Variants in LRP5 observed in about 807,000 individuals in gnomAD.
LRP5 encodes LDL receptor related protein 5.
A neutral mutation model predicts 154.1 loss-of-function variants in LRP5; 62 were observed. The observed-to-expected ratio is 0.40, with a 90% CI of 0.33 to 0.50. The LOEUF is 0.50. LRP5 is among the 20% of genes least tolerant of loss of function. The pLI is 0.55. For synonymous variants in LRP5, 966 were observed against 1,011.5 expected (o/e 0.96, Z 0.85); for missense variants, 1,915 against 2,336.7 (o/e 0.82, Z 3.72).
intron 22 of LRP5, chr11:68,446,890 A>G: frequency 2.8e-6 from 1 of 361,034 alleles, no homozygotes; most frequent in East Asian, 6.9e-5. Context: ...AAACCTAGCC[A>G]TTGAGATGCC....
intron 3 of LRP5, among the ~76,000 whole-genome samples, chr11:68,358,411 C>T (rs2098625004): frequency 6.6e-6 from 1 of 152,226 alleles, no homozygotes; most frequent in Admixed American, 6.5e-5. Context: ...CCGCACCCGG[C>T]CCATGCACCA....
chr11:68,366,738 C>T (rs931455388), intron 5 of LRP5, among the ~76,000 whole-genome samples: 3 of 152,144 alleles, frequency 2.0e-5, no homozygotes, highest in Admixed American at 2.0e-4. Flanking sequence ...GTTGGAGAGC[C>T]TCCCCGACCA....
intron 9 of LRP5, among the ~76,000 whole-genome samples, chr11:68,407,025 T>C (rs2153164825): frequency 6.6e-6 from 1 of 152,100 alleles, no homozygotes; most frequent in East Asian, 1.9e-4. Context: ...TTTTGTGAAA[T>C]GCTTGTGTGA....
chr11:68,344,588 G>A (rs564183094), intron 1 of LRP5, among the ~76,000 whole-genome samples: 2 of 152,056 alleles, frequency 1.3e-5, no homozygotes, highest in Non-Finnish European at 2.9e-5. Flanking sequence ...CCAAAGTGCT[G>A]AGATGACAGG....
chr11:68,386,329 G>A lies in LRP5; in HGVS notation c.1029G>A (p.Val343=), dbSNP rs1277360472. 3.7e-6 allele frequency: 6 copies of A among 1,612,488 alleles called. No individual in the cohort carries two copies. Among genetic ancestry groups the A allele is most frequent in the Middle Eastern group, 1.6e-4 (1 of 6,062 alleles). Residue 343 remains valine, a synonymous_variant, in exon 6 of 23, where the codon GTG becomes GTA. Coordinates refer to ENST00000294304, the MANE Select transcript of LRP5 (RefSeq NM_002335.4). The surrounding 1 kb of genome is among the most constrained non-coding windows in gnomAD (Gnocchi z 7.9). ...GRTCKAGAEE[V]LLLARRTDLR... ...CTGTCTCCACAGGAGCCGAGGAGGT[G>A]CTGCTGCTGGCCCGGCGGACGGACC...
rs762794790 is a variant in LRP5 at position 68,403,531 on chromosome 11, C to A, written c.1633C>A (p.Leu545Ile). The change falls in exon 8 of 23, where the codon CTC becomes ATC. Residue 545 changes from leucine to isoleucine, a missense_variant. By Grantham distance (5) the Leu-to-Ile change is conservative. This residue lies in a region of LRP5 where 773 missense variants were observed against 1,100.9 expected (regional missense o/e 0.70). Transcript: ENST00000294304. ...TKRRTLLEDK[L>I]PHIFGFTLLG... ...GAGGCGGACCCTCCTGGAGGACAAGCTCCCGCACATTTTTGGGTTCACGCT... is the reference window on the plus strand; with the variant it reads ...GAGGCGGACCCTCCTGGAGGACAAGATCCCGCACATTTTTGGGTTCACGCT... The A allele has an allele frequency of 9.3e-6, 15 of 1,614,172 alleles. No individual in the cohort carries two copies. Among genetic ancestry groups the A allele is most frequent in the Non-Finnish European group, 1.3e-5 (15 of 1,180,038 alleles).
At position 68,438,556 on chromosome 11, in the gene LRP5, C is replaced by T. The variant is rs937065165; in HGVS notation, c.4222C>T (p.Gln1408Ter). 6.2e-7 allele frequency: 1 copy of T among 1,614,176 alleles called. No homozygotes were observed. The highest frequency in any genetic ancestry group is 8.5e-7 in the Non-Finnish European group (1 of 1,180,034). The change falls in exon 20 of 23, where the codon CAG becomes TAG. Residue 1408 changes from glutamine to a stop codon, truncating the protein, a stop_gained. Coordinates refer to ENST00000294304, the MANE Select transcript of LRP5 (RefSeq NM_002335.4). LOFTEE classifies it high-confidence loss of function. ...CATGGGTGGTGTCTATTTTGTGTGC[C>T]AGCGCGTGGTGTGCCAGCGCTATGC... ...FVMGGVYFVCQRVVCQRYAGA... is the reference protein window; with the variant it reads ...FVMGGVYFVC
At chr11:68,424,495 T>TG (rs2098667602) in intron 14 of LRP5, among the ~76,000 whole-genome samples, 1 of 152,196 alleles carries the variant, frequency 6.6e-6, no homozygotes, top group Non-Finnish European at 1.5e-5. Flanking sequence ...ATAAGGCGGC[T>TG]GTGCAGGAGC....
intron 3 of LRP5, among the ~76,000 whole-genome samples, chr11:68,361,082 G>A (rs951604807): frequency 1.4e-5 from 2 of 147,674 alleles, no homozygotes; most frequent in African/African-American, 5.0e-5. Context: ...GAGACGGGCG[G>A]ATCACGAGGT....
chr11:68,418,369 T>A (rs1484534360), intron 13 of LRP5, among the ~76,000 whole-genome samples: 1 of 151,260 alleles, frequency 6.6e-6, no homozygotes, highest in Non-Finnish European at 1.5e-5. Context: ...GTCATTGCAC[T>A]CCAGCCTGGG....
intron 17 of LRP5, 118 bp downstream of exon 17, chr11:68,429,818 G>A (rs2098670945): frequency 3.0e-6 from 4 of 1,350,294 alleles, no homozygotes; most frequent in South Asian, 1.2e-5. Flanking sequence ...AGTTTCCAAA[G>A]CTGATTGTGT....
upstream of LRP5, among the ~76,000 whole-genome samples, chr11:68,309,633 T>C (rs2098586549): frequency 1.3e-5 from 2 of 150,452 alleles, no homozygotes; most frequent in East Asian, 3.9e-4. Context: ...ATCATTTCAA[T>C]AACTGACTGT....
At chr11:68,408,613 T>C (rs2098657085) in intron 9 of LRP5, among the ~76,000 whole-genome samples, 1 of 152,196 alleles carries the variant, frequency 6.6e-6, no homozygotes, top group Non-Finnish European at 1.5e-5. Context: ...CGCAGAATTC[T>C]GTATCCTGAT....
chr11:68,367,035 C>T (rs1447798923), intron 5 of LRP5, among the ~76,000 whole-genome samples: 3 of 152,250 alleles, frequency 2.0e-5, no homozygotes, highest in East Asian at 3.9e-4. Flanking sequence ...AGTGAGTCCA[C>T]GAGGGAGTCA....
At position 68,447,024 on chromosome 11, in the gene LRP5, G is replaced by A. The variant is rs2098681815; in HGVS notation, c.4586+491G>A. The A allele has an allele frequency of 2.2e-5, 4 of 185,982 alleles. No homozygotes were observed. In the South Asian group the frequency reaches 4.0e-4, roughly 19 times the overall value. 11.5% of individuals were successfully genotyped at this position (185,982 alleles called of 1,614,324 possible). A position where few individuals can be genotyped will look rare whatever the true frequency, so the allele number is the denominator to read the frequency against. ...TCCGGGCTGCTCACTTGCCACAGTGGCCTGTTTGAGCCCGGGAAGCCAACG... is the reference window on the plus strand; with the variant it reads ...TCCGGGCTGCTCACTTGCCACAGTGACCTGTTTGAGCCCGGGAAGCCAACG... On this transcript the variant is annotated intron_variant, in intron 22 of 22. Coordinates refer to ENST00000294304, the MANE Select transcript of LRP5 (RefSeq NM_002335.4). The surrounding 1 kb of genome is among the most constrained non-coding windows in gnomAD (Gnocchi z 4.3).
intron 1 of LRP5, among the ~76,000 whole-genome samples, chr11:68,341,059 C>CCTTTTTTTTTTTTTTT (rs1555071026): frequency 3.8e-4 from 32 of 83,468 alleles, no homozygotes; most frequent in African/African-American, 1.2e-3. Context: ...GGAGATTGTT[C>CCTTTTTTTTTTTTTTT]TTTTTTTTTT....
intron 17 of LRP5, among the ~76,000 whole-genome samples, chr11:68,430,873 G>C (rs1030599638): frequency 1.3e-5 from 2 of 152,172 alleles, no homozygotes; most frequent in African/African-American, 4.8e-5. Context: ...TCCCAGTTGA[G>C]TGACCCTGGC....
intron 11 of LRP5, 38 bp downstream of exon 11, chr11:68,411,658 G>A (rs1352577573): frequency 9.5e-6 from 15 of 1,576,236 alleles, no homozygotes; most frequent in East Asian, 2.3e-5. Context: ...CATGGAGGGC[G>A]GGGCAGCCGG....
At chr11:68,372,810 G>A (rs1440398151) in intron 5 of LRP5, among the ~76,000 whole-genome samples, 1 of 152,108 alleles carries the variant, frequency 6.6e-6, no homozygotes, top group Non-Finnish European at 1.5e-5. Flanking sequence ...TGGGGAGCAC[G>A]GCTCACACGG....
Sources: gnomAD v4.1 joint callset for allele counts (sites outside exome capture counted in the v4.1 genomes callset) on GRCh38, gnomAD v4.1.1 for gene constraint, gnomAD v4.1.1 regional missense constraint, Gnocchi (gnomAD v3.1) non-coding constraint, MANE v1.5 for transcripts, NCBI Gene and HGNC (gene_info 2026-07-23, HGNC 2026-07-21) for gene names.